The following VASN variants were observed in gnomAD, a reference collection of about 807,000 sequenced individuals.
VASN encodes protein slit-like 2.
In VASN, 5 loss-of-function variants were observed where a neutral mutation model predicts 4.8. The observed-to-expected ratio is 1.03, with a 90% CI of 0.54 to 2.17. The LOEUF is 2.17. VASN is among the 30% of genes most tolerant of loss of function. VASN has a pLI of 0.01. For missense variants in VASN, 927 were observed against 948.8 expected, an observed-to-expected ratio of 0.98 and a Z score of 0.30; for synonymous variants, 499 against 460.8, an observed-to-expected ratio of 1.08 and a Z score of -1.06.
At chr16:4,374,436 G>T (rs1436631440) in intron 1 of VASN, among the ~76,000 whole-genome samples, 3 of 152,084 alleles carry the variant, frequency 2.0e-5, no homozygotes, top group African/African-American at 7.2e-5. Flanking sequence ...TATTCTTCAG[G>T]GTTCGGGACG....
chr16:4,381,413 A>C lies in VASN; in HGVS notation c.536A>C (p.Asn179Thr). Reference protein sequence around the residue: ...PRLLLLDLSHNSLLALEPGIL... With the variant: ...PRLLLLDLSHTSLLALEPGIL... Reference sequence around the variant, plus strand: ...CTGCTGCTGCTGGACCTCAGCCACAACAGCCTCCTGGCCCTGGAGCCCGGC... The same window carrying C: ...CTGCTGCTGCTGGACCTCAGCCACACCAGCCTCCTGGCCCTGGAGCCCGGC... Residue 179 changes from asparagine to threonine, a missense_variant, in exon 2 of 2, where the codon AAC (asparagine) becomes ACC (threonine). Transcript: ENST00000304735. 6.3e-7 allele frequency: 1 copy of C among 1,585,322 alleles called. No individual in the cohort carries two copies. The highest frequency in any genetic ancestry group is 8.6e-7 in the Non-Finnish European group (1 of 1,167,928).
chr16:4,381,503 A>G lies in VASN; in HGVS notation c.626A>G (p.Glu209Gly). The change falls in exon 2 of 2, where the codon GAG becomes GGG. Residue 209 changes from glutamate (E) to glycine (G), a missense_variant. Coordinates refer to ENST00000304735, the MANE Select transcript of VASN (RefSeq NM_138440.3). ...GGTCTGGGGCTGCAGCAGCTGGACG[A>G]GGGGCTCTTCAGCCGCTTGCGCAAC... ...LAGLGLQQLD[E>G]GLFSRLRNLH... 9 of 1,593,178 alleles carry G rather than the reference A, an allele frequency of 5.6e-6. No homozygotes were observed. The highest frequency in any genetic ancestry group is 7.7e-6 in the Non-Finnish European group (9 of 1,171,466).
At position 4,381,038 on chromosome 16, in the gene VASN, C is replaced by T. The variant is rs781090071; in HGVS notation, c.161C>T (p.Thr54Met). The part of the protein sequence containing the change: ...TTVPRDVPPD[T>M]VGLYVFENGI... ...GTGCCCCGAGACGTGCCACCCGACA[C>T]GGTGGGGCTGTACGTCTTTGAGAAC... Residue 54 changes from threonine (T) to methionine (M), a missense_variant, in exon 2 of 2, where the codon ACG (threonine) becomes ATG (methionine). Coordinates refer to ENST00000304735, the MANE Select transcript of VASN (RefSeq NM_138440.3). The T allele has an allele frequency of 2.3e-5, 37 of 1,610,342 alleles. No individual in the cohort carries two copies. Among genetic ancestry groups the T allele is most frequent in the African/African-American group, 1.3e-5 (1 of 74,892 alleles).
chr16:4,378,953 C>T (rs1030449056), intron 1 of VASN, among the ~76,000 whole-genome samples: 5 of 152,064 alleles, frequency 3.3e-5, no homozygotes, highest in Admixed American at 1.3e-4. Flanking sequence ...GCAGGGCCTG[C>T]GTGGGCCCAA....
Position 4,381,126 on chromosome 16 carries a change from GT to G in VASN, c.250del (p.Ser84HisfsTer24), listed in dbSNP as rs2054941930. ...TGCCGGGCCTGCAGCTCCTGGACCT[GT>G]CACAGAACCAGATCGCCAGCCTGCC... ...GLPGLQLLDL[S>X]QNQIASLPSG... is the part of the protein sequence containing the mutation. On this transcript the variant is annotated frameshift_variant, in exon 2 of 2. Transcript: ENST00000304735. LOFTEE classifies it low-confidence loss of function (END_TRUNC). 6.2e-7 allele frequency: 1 copy of G among 1,610,126 alleles called. No homozygotes were observed.
chr16:4,377,952 G>C (rs1479065898), intron 1 of VASN, among the ~76,000 whole-genome samples: 1 of 152,172 alleles, frequency 6.6e-6, no homozygotes, highest in Non-Finnish European at 1.5e-5. Context: ...CTCACTACCT[G>C]TCAGCCGGAA....
rs1347138296 is a variant in VASN at position 4,381,690 on chromosome 16, G to A, written c.813G>A (p.Val271=). ...TGGCTGCCCTGCAGGAGCTGGATGT[G>A]AGCAACCTAAGCCTGCAGGCCCTGC... is the stretch of plus-strand genomic sequence containing the variant. The part of the protein sequence containing the change: ...AGLAALQELD[V]SNLSLQALPG... The change falls in exon 2 of 2, where the codon GTG becomes GTA. Residue 271 remains valine, a synonymous_variant. Coordinates refer to ENST00000304735, the MANE Select transcript of VASN (RefSeq NM_138440.3). 4 of 1,607,818 alleles carry A rather than the reference G, an allele frequency of 2.5e-6. No homozygotes were observed. The African/African-American group carries it at 4.0e-5, about 16-fold the overall frequency.
In VASN at chr16:4,380,985, C is replaced by A; in HGVS notation, c.108C>A (p.Val36=). The change falls in exon 2 of 2, where the codon GTC becomes GTA. Residue 36 remains valine (V), a synonymous_variant. Transcript: ENST00000304735. ...GCCAGTGCAGCCAGCCACAGACAGTCTTCTGCACTGCCCGCCAGGGGACCA... is the reference window on the plus strand; with the variant it reads ...GCCAGTGCAGCCAGCCACAGACAGTATTCTGCACTGCCCGCCAGGGGACCA... ...SGCQCSQPQT[V]FCTARQGTTV... 1 of 1,608,228 alleles carries A rather than the reference C, an allele frequency of 6.2e-7. No homozygotes were observed. Among genetic ancestry groups the A allele is most frequent in the East Asian group, 2.2e-5 (1 of 44,762 alleles).
chr16:4,374,583 C>T (rs1015476171), intron 1 of VASN, among the ~76,000 whole-genome samples: 1 of 152,168 alleles, frequency 6.6e-6, no homozygotes, highest in Non-Finnish European at 1.5e-5. Flanking sequence ...GGGGCCCCTG[C>T]TGGCCCTGGG....
Position 4,381,809 on chromosome 16 carries a change from C to A in VASN, c.932C>A (p.Pro311His). 1.2e-6 allele frequency: 2 copies of A among 1,600,448 alleles called. No individual in the cohort carries two copies. The highest frequency in any genetic ancestry group is 1.7e-6 in the Non-Finnish European group (2 of 1,179,498). ...NCVCPLSWFG[P>H]WVRESHVTLA... Reference sequence around the variant, plus strand: ...GTGTGCCCCCTGAGCTGGTTTGGCCCCTGGGTGCGCGAGAGCCACGTCACA... The same window carrying A: ...GTGTGCCCCCTGAGCTGGTTTGGCCACTGGGTGCGCGAGAGCCACGTCACA... Residue 311 changes from proline (P) to histidine (H), a missense_variant, in exon 2 of 2, where the codon CCC (proline) becomes CAC (histidine). Pro to His is a moderately conservative substitution (Grantham distance 77). Transcript: ENST00000304735.
chr16:4,379,758 C>T lies in VASN; in HGVS notation c.-9-1111C>T, dbSNP rs192634277. Among the ~76,000 whole-genome samples, 147 of 151,778 alleles carry T rather than the reference C, an allele frequency of 9.7e-4. 3 individuals carry two copies. The highest frequency in any genetic ancestry group is 1.1e-3 in the Admixed American group (17 of 15,226). On this transcript the variant is annotated intron_variant, in intron 1 of 1. Coordinates refer to ENST00000304735, the MANE Select transcript of VASN (RefSeq NM_138440.3). ...AGGGCAGACCCCAAGAAACAGTAGACGAAGCCGGGCACGGTGGCTCATGCC... is the reference window on the plus strand; with the variant it reads ...AGGGCAGACCCCAAGAAACAGTAGATGAAGCCGGGCACGGTGGCTCATGCC...
Position 4,382,270 on chromosome 16 carries a change from A to C in VASN, c.1393A>C (p.Thr465Pro). Residue 465 changes from threonine to proline, a missense_variant, in exon 2 of 2, where the codon ACC becomes CCC. Physicochemically the swap from Thr to Pro is conservative, Grantham distance 38 (BLOSUM62 -1). Coordinates refer to ENST00000304735, the MANE Select transcript of VASN (RefSeq NM_138440.3). ...CACGCCGAGGCCACCACGGTCCCTG[A>C]CCCTGGGCATCGAGCCGGTGAGCCC... ...PVTPRPPRSLTLGIEPVSPTS... is the reference protein window; with the variant it reads ...PVTPRPPRSLPLGIEPVSPTS... 1 of 1,608,122 alleles carries C rather than the reference A, an allele frequency of 6.2e-7. No homozygotes were observed. The highest frequency in any genetic ancestry group is 2.2e-5 in the East Asian group (1 of 44,600).
intron 1 of VASN, among the ~76,000 whole-genome samples, chr16:4,373,110 T>C (rs2054591956): frequency 6.6e-6 from 1 of 152,128 alleles, no homozygotes; most frequent in African/African-American, 2.4e-5. Flanking sequence ...GGCCCAGCTA[T>C]TGACAAAAAC....
chr16:4,380,838 T>C, intron 1 of VASN, 31 bp from the exon 2 acceptor site: 1 of 1,440,000 alleles, frequency 6.9e-7, no homozygotes, highest in Non-Finnish European at 9.1e-7. Context: ...TGACTCACAG[T>C]CTTCTGTCTC....
chr16:4,379,190 G>A (rs898143581), intron 1 of VASN, among the ~76,000 whole-genome samples: 1 of 152,110 alleles, frequency 6.6e-6, no homozygotes. Context: ...CAGCCTGTGT[G>A]GGGGAAGGGG....
At chr16:4,380,221 G>C (rs564907413) in intron 1 of VASN, among the ~76,000 whole-genome samples, 1 of 152,238 alleles carries the variant, frequency 6.6e-6, no homozygotes, top group Admixed American at 6.5e-5. Flanking sequence ...CCTCACAGGG[G>C]ACACCTGCCA....
At position 4,381,660 on chromosome 16, in the gene VASN, C is replaced by T. The variant is rs748307575; in HGVS notation, c.783C>T (p.Ala261=). The T allele has an allele frequency of 3.1e-5, 50 of 1,603,712 alleles. No homozygotes were observed. The highest frequency in any genetic ancestry group is 8.5e-5 in the Admixed American group (5 of 59,106). ...RIAQLRPEDL[A]GLAALQELDV... The stretch of plus-strand genomic sequence containing the variant: ...CCCAGCTGCGGCCCGAGGACCTGGC[C>T]GGCCTGGCTGCCCTGCAGGAGCTGG... The change falls in exon 2 of 2, where the codon GCC becomes GCT. Residue 261 remains alanine (A), a synonymous_variant. Coordinates refer to ENST00000304735, the MANE Select transcript of VASN (RefSeq NM_138440.3).
In VASN at chr16:4,381,272, G is replaced by T; in HGVS notation, c.395G>T (p.Gly132Val). ...CGGCGCCTCGAGCGCCTCTACCTGGGCAAGAACCGCATCCGCCACATCCAG... is the reference window on the plus strand; with the variant it reads ...CGGCGCCTCGAGCGCCTCTACCTGGTCAAGAACCGCATCCGCCACATCCAG... ...GLRRLERLYL[G>V]KNRIRHIQPG... Residue 132 changes from glycine to valine, a missense_variant, in exon 2 of 2, where the codon GGC becomes GTC. Gly to Val is a moderately radical substitution (Grantham distance 109). Transcript: ENST00000304735. The T allele has an allele frequency of 6.2e-7, 1 of 1,611,722 alleles. No individual in the cohort carries two copies. The highest frequency in any genetic ancestry group is 8.5e-7 in the Non-Finnish European group (1 of 1,179,534).
intron 1 of VASN, among the ~76,000 whole-genome samples, chr16:4,376,673 G>A (rs1018863074): frequency 7.9e-5 from 12 of 152,264 alleles, no homozygotes; most frequent in African/African-American, 2.9e-4. Flanking sequence ...CCCAGAGGTG[G>A]GTGGGCGTCC....
Sources: gnomAD v4.1 joint callset for allele counts (sites outside exome capture counted in the v4.1 genomes callset) on GRCh38, gnomAD v4.1.1 for gene constraint, MANE v1.5 for transcripts, NCBI Gene and HGNC (gene_info 2026-07-23, HGNC 2026-07-21) for gene names.